Variants in SOX5 observed in about 807,000 individuals in gnomAD.
SOX5 encodes the protein SRY-box transcription factor 5.
Under a neutral mutation model 92.0 loss-of-function variants are expected in SOX5, and 9 were observed. The ratio of observed to expected loss-of-function variants is 0.10; its 90% confidence interval spans 0.06 to 0.17. The LOEUF is 0.17. Ranked by LOEUF, SOX5 falls within the 10% of genes least tolerant of loss-of-function variation. The pLI is 1.00. For synonymous variants in SOX5, 344 were observed against 336.3 expected, an observed-to-expected ratio of 1.02 and a Z score of -0.25; for missense variants, 642 against 944.5, an observed-to-expected ratio of 0.68 and a Z score of 4.20.
chr12:23,962,932 A>G (rs1947117391), intron 4 of SOX5, among the ~76,000 whole-genome samples: 2 of 152,190 alleles, frequency 1.3e-5, no homozygotes, highest in East Asian at 1.9e-4. Context: ...AAACCCCTCA[A>G]TTCACTAAAA....
intron 1 of SOX5, among the ~76,000 whole-genome samples, chr12:24,490,063 T>C (rs542949974): frequency 4.6e-5 from 7 of 152,368 alleles, no homozygotes; most frequent in African/African-American, 1.7e-4. Context: ...CAAGTCTTAC[T>C]GCAGTGGATG....
At chr12:24,233,561 T>C (rs1401053208) in intron 3 of SOX5, among the ~76,000 whole-genome samples, 1 of 152,180 alleles carries the variant, frequency 6.6e-6, no homozygotes, top group Non-Finnish European at 1.5e-5. Flanking sequence ...GCACATACCT[T>C]TGTGTAAGCG....
At chr12:23,851,752 C>A (rs1259560617) in intron 2 of SOX5, among the ~76,000 whole-genome samples, 2 of 151,630 alleles carry the variant, frequency 1.3e-5, no homozygotes, top group East Asian at 3.9e-4. Context: ...AACTGGTCAT[C>A]CTTCTATATT....
intron 8 of SOX5, among the ~76,000 whole-genome samples, chr12:23,621,607 A>G (rs1376679218): frequency 6.6e-6 from 1 of 152,076 alleles, no homozygotes; most frequent in Middle Eastern, 3.2e-3. Context: ...ACAGGTGCAA[A>G]GGGGGGAAGA....
At chr12:23,742,886 T>G (rs1441787066) in intron 4 of SOX5, among the ~76,000 whole-genome samples, 3 of 151,962 alleles carry the variant, frequency 2.0e-5, no homozygotes, top group African/African-American at 7.3e-5. Flanking sequence ...CCCAGCTACT[T>G]GGTAGGCTGA....
chr12:24,502,039 A>G (rs908270443), intron 1 of SOX5, among the ~76,000 whole-genome samples: 10 of 152,204 alleles, frequency 6.6e-5, no homozygotes, highest in Non-Finnish European at 1.2e-4. Context: ...GGATTCTCAG[A>G]CCTAATTCTT....
At chr12:23,755,375 T>C (rs1013182334) in intron 4 of SOX5, among the ~76,000 whole-genome samples, 1 of 151,830 alleles carries the variant, frequency 6.6e-6, no homozygotes, top group Admixed American at 6.6e-5. Context: ...AATTTAATTT[T>C]AATGATGAAA....
chr12:23,815,480 T>G (rs1478533116), intron 3 of SOX5, among the ~76,000 whole-genome samples: 3 of 152,222 alleles, frequency 2.0e-5, no homozygotes, highest in Non-Finnish European at 4.4e-5. Context: ...AGTTCATTAT[T>G]CTTTTCTTCT....
At chr12:23,944,512 G>T (rs1944223254) in intron 1 of SOX5, among the ~76,000 whole-genome samples, 1 of 152,070 alleles carries the variant, frequency 6.6e-6, no homozygotes, top group South Asian at 2.1e-4. Flanking sequence ...AAACACAGAG[G>T]TCAGAAAGAA....
At chr12:24,273,404 C>T (rs1159565267) in intron 3 of SOX5, among the ~76,000 whole-genome samples, 11 of 152,214 alleles carry the variant, frequency 7.2e-5, no homozygotes. Context: ...CTCTACTTCA[C>T]TTCAGCAAAT....
intron 6 of SOX5, among the ~76,000 whole-genome samples, chr12:23,689,731 T>C (rs2140004506): frequency 6.6e-6 from 1 of 152,080 alleles, no homozygotes; most frequent in Non-Finnish European, 1.5e-5. Context: ...AAAATAAAAA[T>C]ACATTGTTAA....
At chr12:24,022,700 G>A (rs1954440758) in intron 4 of SOX5, among the ~76,000 whole-genome samples, 1 of 152,050 alleles carries the variant, frequency 6.6e-6, no homozygotes, top group Non-Finnish European at 1.5e-5. Context: ...ACATGCCCAT[G>A]CCTAAGCCAT....
chr12:23,949,753 C>CTCTCTCTCTCTGT, upstream of SOX5: 1 of 732,784 alleles, frequency 1.4e-6, no homozygotes, highest in South Asian at 1.7e-5. Flanking sequence ...TCTCTCTCTC[C>CTCTCTCTCTCTGT]CTCTCTCTCT....
intron 1 of SOX5, among the ~76,000 whole-genome samples, chr12:24,466,225 C>T (rs1004445327): frequency 6.6e-6 from 1 of 151,836 alleles, no homozygotes; most frequent in African/African-American, 2.4e-5. Context: ...TTCCTTCTTC[C>T]TTCTTTCTTC....
chr12:23,917,618 C>G (rs979005351), intron 1 of SOX5, among the ~76,000 whole-genome samples: 2 of 151,972 alleles, frequency 1.3e-5, no homozygotes, highest in Admixed American at 1.3e-4. Context: ...TGGCATTTTG[C>G]TTGCTTCAAC....
At chr12:23,667,409 G>A (rs1285693560) in intron 6 of SOX5, among the ~76,000 whole-genome samples, 8 of 151,860 alleles carry the variant, frequency 5.3e-5, no homozygotes, top group South Asian at 2.1e-4. Context: ...TCTAAACTTC[G>A]GTCTTTTATA....
intron 4 of SOX5, among the ~76,000 whole-genome samples, chr12:23,989,560 C>A (rs1278985716): frequency 1.3e-5 from 2 of 152,138 alleles, no homozygotes; most frequent in African/African-American, 2.4e-5. Flanking sequence ...TCCCAAAATT[C>A]ACAGGTTGAA....
chr12:24,362,441 C>G (rs1955684580), intron 2 of SOX5, among the ~76,000 whole-genome samples: 2 of 152,272 alleles, frequency 1.3e-5, no homozygotes, highest in East Asian at 3.9e-4. Context: ...CCGTAACAGC[C>G]TATTTGGACT....
chr12:23,715,809 CA>C (rs35450544), intron 6 of SOX5, among the ~76,000 whole-genome samples: 2,065 of 72,842 alleles, frequency 0.028, 15 homozygotes, highest in African/African-American at 0.074. Flanking sequence ...AGTAATTTCC[CA>C]AAAAAAAAAA....
Sources: allele counts gnomAD v4.1 joint callset (sites outside exome capture counted in the v4.1 genomes callset), GRCh38; gene constraint gnomAD v4.1.1; transcripts MANE v1.5; gene names NCBI Gene and HGNC (gene_info 2026-07-23, HGNC 2026-07-21).